The following CSRNP3 variants were observed in gnomAD, a reference collection of about 807,000 sequenced individuals.
The protein encoded by CSRNP3 is cysteine/serine-rich nuclear protein 3.
Under a neutral mutation model 48.0 loss-of-function variants are expected in CSRNP3, and 12 were observed. That is an observed-to-expected ratio of 0.25 (90% CI 0.16 to 0.41). The LOEUF (loss-of-function observed/expected upper bound fraction) is 0.41, where lower values mean the gene tolerates loss of function less well. Among genes scored for constraint, CSRNP3 ranks in the 10% least tolerant of loss-of-function variants. CSRNP3 has a pLI of 1.00. For missense variants in CSRNP3, 580 were observed against 724.4 expected, an observed-to-expected ratio of 0.80 and a Z score of 2.29; for synonymous variants, 263 against 269.7, an observed-to-expected ratio of 0.98 and a Z score of 0.24.
At chr2:165,601,256 A>AT (rs1361526396) in intron 4 of CSRNP3, among the ~76,000 whole-genome samples, 2 of 151,984 alleles carry the variant, frequency 1.3e-5, no homozygotes, top group Admixed American at 6.6e-5. Flanking sequence ...GAGAGGAATG[A>AT]TTTTTTTTCT....
intron 5 of CSRNP3, among the ~76,000 whole-genome samples, chr2:165,671,865 A>G (rs546520795): frequency 6.6e-5 from 10 of 152,226 alleles, no homozygotes; most frequent in South Asian, 2.1e-4. Context: ...AGATAACCCA[A>G]ATCATCTCTC....
At chr2:165,590,004 A>G (rs1685691245) in intron 3 of CSRNP3, among the ~76,000 whole-genome samples, 1 of 152,202 alleles carries the variant, frequency 6.6e-6, no homozygotes, top group African/African-American at 2.4e-5. Context: ...TCTCTCCCTT[A>G]TGAATTACTT....
intron 1 of CSRNP3, among the ~76,000 whole-genome samples, chr2:165,486,249 C>T (rs544505159): frequency 2.1e-3 from 325 of 152,346 alleles, no homozygotes; most frequent in Middle Eastern, 6.8e-3. Flanking sequence ...GCTTAAAAAA[C>T]GGTGCACCAC....
intron 3 of CSRNP3, among the ~76,000 whole-genome samples, chr2:165,585,204 C>T (rs549721481): frequency 7.0e-6 from 1 of 143,270 alleles, no homozygotes; most frequent in African/African-American, 2.6e-5. Flanking sequence ...AGTATCATAG[C>T]ATAATGTGTT....
At chr2:165,553,740 G>A (rs1685128255) in intron 3 of CSRNP3, among the ~76,000 whole-genome samples, 1 of 152,058 alleles carries the variant, frequency 6.6e-6, no homozygotes, top group Admixed American at 6.6e-5. Context: ...TCCAAAGCCA[G>A]CTATTCAACT....
intron 4 of CSRNP3, among the ~76,000 whole-genome samples, chr2:165,623,311 C>T (rs1417489145): frequency 6.6e-6 from 1 of 152,090 alleles, no homozygotes; most frequent in East Asian, 1.9e-4. Flanking sequence ...CGCCTCTTGT[C>T]AGATCAGTGG....
At chr2:165,636,450 C>T (rs893745918) in intron 4 of CSRNP3, among the ~76,000 whole-genome samples, 19 of 152,102 alleles carry the variant, frequency 1.2e-4, no homozygotes, top group African/African-American at 4.6e-4. Flanking sequence ...CAATAAGACA[C>T]GTGTCTTGAG....
chr2:165,619,493 T>C (rs1456417639), intron 4 of CSRNP3, among the ~76,000 whole-genome samples: 4 of 152,142 alleles, frequency 2.6e-5, no homozygotes, highest in African/African-American at 4.8e-5. Context: ...TCATGCCCTA[T>C]CGTACCTCAT....
chr2:165,680,701 A>T lies in CSRNP3; in HGVS notation c.*948A>T, dbSNP rs140477683. On this transcript the variant is annotated 3_prime_UTR_variant, in exon 7 of 7. Coordinates refer to ENST00000651982, the MANE Select transcript of CSRNP3 (RefSeq NM_001172173.2). Reference sequence around the variant, plus strand: ...TTTGAGATGAAAAAATTTAAAAAAAAATTAAAAAGATCTTTAACTATTATA... The same window carrying T: ...TTTGAGATGAAAAAATTTAAAAAAATATTAAAAAGATCTTTAACTATTATA... 4 of 152,520 alleles carry T rather than the reference A, an allele frequency of 2.6e-5. No homozygotes were observed. In the East Asian group the frequency reaches 7.7e-4, roughly 29 times the overall value. 9.4% of individuals were successfully genotyped at this position (152,520 alleles called of 1,614,324 possible). A position where few individuals can be genotyped will look rare whatever the true frequency, so the allele number is the denominator to read the frequency against.
intron 3 of CSRNP3, among the ~76,000 whole-genome samples, chr2:165,520,820 T>G (rs28753773): frequency 0.26 from 33,146 of 128,192 alleles, 4,957 homozygotes; most frequent in East Asian, 0.43. Flanking sequence ...TATATATATA[T>G]ATATATACAT....
intron 1 of CSRNP3, among the ~76,000 whole-genome samples, chr2:165,470,676 A>G (rs1208905002): frequency 2.0e-5 from 3 of 151,970 alleles, no homozygotes; most frequent in Non-Finnish European, 1.5e-5. Flanking sequence ...AGAATAAATA[A>G]CACACTTGCA....
At chr2:165,661,187 G>A (rs1048066221) in intron 5 of CSRNP3, among the ~76,000 whole-genome samples, 7 of 152,110 alleles carry the variant, frequency 4.6e-5, no homozygotes, top group African/African-American at 1.7e-4. Flanking sequence ...TTTTAATGTG[G>A]TATTTGTTTG....
intron 3 of CSRNP3, among the ~76,000 whole-genome samples, chr2:165,549,179 A>G (rs1574832833): frequency 6.6e-6 from 1 of 152,060 alleles, no homozygotes; most frequent in African/African-American, 2.4e-5. Flanking sequence ...TATTGTGAAG[A>G]TGATTTTATT....
At chr2:165,599,708 T>G (rs1486354444) in intron 4 of CSRNP3, among the ~76,000 whole-genome samples, 1 of 152,186 alleles carries the variant, frequency 6.6e-6, no homozygotes, top group African/African-American at 2.4e-5. Flanking sequence ...TTTAGGACAT[T>G]TATTATTTAT....
At chr2:165,531,285 T>C (rs1046853364) in intron 3 of CSRNP3, among the ~76,000 whole-genome samples, 2 of 152,330 alleles carry the variant, frequency 1.3e-5, no homozygotes, top group Non-Finnish European at 2.9e-5. Context: ...CATTACCATT[T>C]TGAATTATTA....
At chr2:165,660,289 C>A (rs1318407012) in intron 5 of CSRNP3, among the ~76,000 whole-genome samples, 3 of 151,892 alleles carry the variant, frequency 2.0e-5, no homozygotes, top group Non-Finnish European at 4.4e-5. Context: ...TCAGGAAGAC[C>A]CAGTGGAATA....
chr2:165,528,571 T>A (rs571139007), intron 3 of CSRNP3, among the ~76,000 whole-genome samples: 1 of 152,346 alleles, frequency 6.6e-6, no homozygotes, highest in South Asian at 2.1e-4. Flanking sequence ...CAACACTCTT[T>A]ATTAAAGAGA....
chr2:165,659,366 T>G (rs1181988466), intron 5 of CSRNP3, among the ~76,000 whole-genome samples: 1 of 152,108 alleles, frequency 6.6e-6, no homozygotes, highest in East Asian at 1.9e-4. Context: ...AAGGAGATTG[T>G]CAGGAATGAC....
At chr2:165,515,760 A>G (rs1237608448) in intron 2 of CSRNP3, among the ~76,000 whole-genome samples, 1 of 148,686 alleles carries the variant, frequency 6.7e-6, no homozygotes, top group African/African-American at 2.5e-5. Context: ...ATCTAATTTA[A>G]TTATTTTGTT....
Sources: allele counts gnomAD v4.1 joint callset (sites outside exome capture counted in the v4.1 genomes callset), GRCh38; gene constraint gnomAD v4.1.1; transcripts MANE v1.5; gene names NCBI Gene and HGNC (gene_info 2026-07-23, HGNC 2026-07-21).